PIK3R3: variants seen among roughly 807,000 people sequenced by gnomAD.
PIK3R3 encodes phosphoinositide-3-kinase regulatory subunit 3.
PIK3R3 carries 64 observed loss-of-function variants against 62.9 expected under a neutral mutation model. The observed-to-expected ratio is 1.02, with a 90% confidence interval of 0.83 to 1.25. PIK3R3 has a LOEUF of 1.25. Among genes scored for constraint, PIK3R3 ranks in the 50% most tolerant of loss-of-function variants. PIK3R3 has a pLI of 0.00. For synonymous variants in PIK3R3, 165 were observed against 189.0 expected, an observed-to-expected ratio of 0.87 and a Z score of 1.04; for missense variants, 614 against 561.6, an observed-to-expected ratio of 1.09 and a Z score of -0.94.
chr1:46,045,573 G>A (rs528660471), intron 9 of PIK3R3, among the ~76,000 whole-genome samples: 1 of 141,640 alleles, frequency 7.1e-6, no homozygotes, highest in Admixed American at 7.4e-5. Flanking sequence ...ATCTGACACT[G>A]GAGACCATAC....
rs1647034824 is a variant in PIK3R3, at chr1:46,043,640, T to C, written c.*33A>G. ...GTCTAATAAAAACTGTAGAAAAAAA[T>C]GCCAGAGAACCACCTCTCTTCCCAC... is the stretch of plus-strand genomic sequence containing the variant. On this transcript the variant is annotated 3_prime_UTR_variant, in exon 10 of 10. Transcript: ENST00000262741. 1 of 1,583,040 alleles carries C rather than the reference T, an allele frequency of 6.3e-7. No individual in the cohort carries two copies. The highest frequency in any genetic ancestry group is 8.7e-7 in the Non-Finnish European group (1 of 1,152,374).
the PIK3R3 span, among the ~76,000 whole-genome samples, chr1:46,173,581 G>A: frequency 6.6e-6 from 1 of 152,200 alleles, no homozygotes; most frequent in African/African-American, 2.4e-5. Context: ...GGCAGGGTGG[G>A]AGAGAGTGGG....
At chr1:46,072,514 T>C (rs777209682) in intron 3 of PIK3R3, among the ~76,000 whole-genome samples, 4 of 152,262 alleles carry the variant, frequency 2.6e-5, no homozygotes, top group Non-Finnish European at 5.9e-5. Context: ...TTGCTAATGC[T>C]ATCAAGTGAT....
intron 1 of PIK3R3, among the ~76,000 whole-genome samples, chr1:46,120,353 G>A (rs971692724): frequency 2.4e-4 from 36 of 152,256 alleles, no homozygotes; most frequent in African/African-American, 8.4e-4. Flanking sequence ...CAAGGTGGGT[G>A]GATCACAAGG....
upstream of PIK3R3, chr1:46,132,722 G>T (rs746809140): frequency 2.1e-5 from 27 of 1,288,400 alleles, 1 homozygote; most frequent in Non-Finnish European, 2.7e-5. Flanking sequence ...ACCCAACCGC[G>T]CCGGGAGGGG....
At chr1:46,172,064 C>G in the PIK3R3 span, among the ~76,000 whole-genome samples, 1 of 152,190 alleles carries the variant, frequency 6.6e-6, no homozygotes, top group Non-Finnish European at 1.5e-5. Context: ...GGAAGCCCTC[C>G]TCCTGGCATG....
At chr1:46,095,853 T>C (rs1406711655) in intron 1 of PIK3R3, among the ~76,000 whole-genome samples, 1 of 152,210 alleles carries the variant, frequency 6.6e-6, no homozygotes, top group Non-Finnish European at 1.5e-5. Flanking sequence ...TTTGGGTAAA[T>C]AGTTTCTTCA....
chr1:46,133,066 T>A (rs1472434234), upstream of PIK3R3: 1 of 1,008,002 alleles, frequency 9.9e-7, no homozygotes, highest in Non-Finnish European at 1.2e-6. Flanking sequence ...GTCTTTTGTC[T>A]GCCTTGCTCC....
chr1:46,100,576 T>C (rs1465754764), intron 1 of PIK3R3, among the ~76,000 whole-genome samples: 1 of 152,210 alleles, frequency 6.6e-6, no homozygotes, highest in Admixed American at 6.5e-5. Context: ...AAGTGCTCCT[T>C]CCTAATTTTT....
At chr1:46,159,738 T>TAAACAC in the PIK3R3 span, among the ~76,000 whole-genome samples, 1,011 of 148,116 alleles carry the variant, frequency 6.8e-3, 11 homozygotes, top group African/African-American at 0.024. Context: ...ATGAGTACCA[T>TAAACAC]ACACACACAC....
chr1:46,053,666 G>A (rs979787327), intron 7 of PIK3R3, among the ~76,000 whole-genome samples: 1 of 152,016 alleles, frequency 6.6e-6, no homozygotes, highest in South Asian at 2.1e-4. Flanking sequence ...CCTTGAGTTC[G>A]GACTTCCTAG....
At chr1:46,158,485 C>T in the PIK3R3 span, among the ~76,000 whole-genome samples, 1 of 152,240 alleles carries the variant, frequency 6.6e-6, no homozygotes, top group Non-Finnish European at 1.5e-5. Context: ...CTTCCATGAG[C>T]TCACCTCTGA....
chr1:46,121,593 G>C (rs116799977), intron 1 of PIK3R3, among the ~76,000 whole-genome samples: 2 of 151,962 alleles, frequency 1.3e-5, no homozygotes, highest in Admixed American at 1.3e-4. Context: ...CCAGGAGTTC[G>C]AGACAAGCTT....
intron 1 of PIK3R3, chr1:46,131,627 C>A: frequency 8.1e-6 from 3 of 371,388 alleles, no homozygotes; most frequent in Non-Finnish European, 1.6e-5. Context: ...CCCCCACTTC[C>A]AGCCCCCACC....
chr1:46,078,479 T>G (rs1229692288), intron 2 of PIK3R3, among the ~76,000 whole-genome samples: 1 of 152,080 alleles, frequency 6.6e-6, no homozygotes, highest in Non-Finnish European at 1.5e-5. Flanking sequence ...GAGGCGGAGG[T>G]TGCAGTGGGC....
chr1:46,111,902 T>C (rs1031485027), intron 1 of PIK3R3, among the ~76,000 whole-genome samples: 4 of 152,198 alleles, frequency 2.6e-5, no homozygotes, highest in Admixed American at 6.5e-5. Context: ...TAAGTCACCA[T>C]ATCAGTGAGG....
At chr1:46,078,660 GA>G (rs752814129) in intron 2 of PIK3R3, among the ~76,000 whole-genome samples, 1 of 152,044 alleles carries the variant, frequency 6.6e-6, no homozygotes, top group Non-Finnish European at 1.5e-5. Context: ...CAAAATAACT[GA>G]AAGCAGGGAC....
the PIK3R3 span, chr1:46,139,204 C>G: frequency 6.6e-6 from 1 of 152,162 alleles, no homozygotes; most frequent in Non-Finnish European, 1.5e-5. Context: ...TGGGTCAGAT[C>G]TTTTGCTCAG....
At chr1:46,144,957 C>T in the PIK3R3 span, among the ~76,000 whole-genome samples, 2 of 151,514 alleles carry the variant, frequency 1.3e-5, no homozygotes, top group African/African-American at 4.9e-5. Context: ...AACCCCATCT[C>T]TACTAAAAAT....
Sources: allele counts gnomAD v4.1 joint callset (sites outside exome capture counted in the v4.1 genomes callset), GRCh38; gene constraint gnomAD v4.1.1; transcripts MANE v1.5; gene names NCBI Gene and HGNC (gene_info 2026-07-23, HGNC 2026-07-21).